The following LRMDA variants were observed in gnomAD, a reference collection of about 807,000 sequenced individuals.
LRMDA encodes leucine rich melanocyte differentiation associated.
LRMDA carries 18 observed loss-of-function variants against 29.8 expected under a neutral mutation model. The ratio of observed to expected loss-of-function variants is 0.60; its 90% CI spans 0.42 to 0.90. The LOEUF (loss-of-function observed/expected upper bound fraction) is 0.90. Among genes scored for constraint, LRMDA ranks in the 40% least tolerant of loss-of-function variants. The pLI is 0.00. For missense variants in LRMDA, 273 were observed against 273.9 expected, an observed-to-expected ratio of 1.00 and a Z score of 0.02; for synonymous variants, 125 against 109.4, an observed-to-expected ratio of 1.14 and a Z score of -0.89.
intron 6 of LRMDA, among the ~76,000 whole-genome samples, chr10:76,390,594 G>A (rs1841711908): frequency 6.6e-6 from 1 of 151,816 alleles, no homozygotes; most frequent in South Asian, 2.1e-4. Context: ...TAGCCATTCT[G>A]GCTGAAATAC....
intron 6 of LRMDA, among the ~76,000 whole-genome samples, chr10:76,507,423 G>T (rs567169378): frequency 6.6e-6 from 1 of 151,586 alleles, no homozygotes; most frequent in East Asian, 1.9e-4. Context: ...TATTGTTTTT[G>T]TTTTTTGCTA....
chr10:75,843,500 G>A (rs1197032136), intron 2 of LRMDA, among the ~76,000 whole-genome samples: 2 of 152,134 alleles, frequency 1.3e-5, no homozygotes, highest in African/African-American at 4.8e-5. Flanking sequence ...ACTTAGATGA[G>A]TTTCCTGTGT....
At chr10:76,476,478 G>A (rs1229806202) in intron 6 of LRMDA, among the ~76,000 whole-genome samples, 1 of 152,128 alleles carries the variant, frequency 6.6e-6, no homozygotes, top group Non-Finnish European at 1.5e-5. Flanking sequence ...GTTACAAGGA[G>A]GAGCTGGTAC....
At chr10:76,045,436 C>A (rs1391750811) in intron 3 of LRMDA, among the ~76,000 whole-genome samples, 1 of 151,068 alleles carries the variant, frequency 6.6e-6, no homozygotes, top group Non-Finnish European at 1.5e-5. Context: ...TAGTTTCCCC[C>A]TCTGGTTAGT....
chr10:76,345,220 C>G (rs1485350203), intron 6 of LRMDA, among the ~76,000 whole-genome samples: 1 of 149,124 alleles, frequency 6.7e-6, no homozygotes, highest in Non-Finnish European at 1.5e-5. Context: ...GCGCCCGCTA[C>G]CACGCCCGGC....
At chr10:76,157,348 A>C (rs1363922749) in intron 5 of LRMDA, among the ~76,000 whole-genome samples, 1 of 152,184 alleles carries the variant, frequency 6.6e-6, no homozygotes, top group Non-Finnish European at 1.5e-5. Flanking sequence ...GCAGTGGCTC[A>C]CACCTGCAAT....
intron 6 of LRMDA, among the ~76,000 whole-genome samples, chr10:76,491,371 T>A (rs1210130478): frequency 6.6e-6 from 1 of 152,158 alleles, no homozygotes; most frequent in Admixed American, 6.6e-5. Context: ...CTGGTGTTGA[T>A]GAAATCCCTC....
intron 2 of LRMDA, among the ~76,000 whole-genome samples, chr10:75,700,659 G>A (rs940322745): frequency 6.6e-6 from 1 of 152,216 alleles, no homozygotes; most frequent in African/African-American, 2.4e-5. Flanking sequence ...GGGTACATGA[G>A]CGAGCAAGTT....
chr10:76,199,070 A>G (rs576901391), intron 5 of LRMDA, among the ~76,000 whole-genome samples: 1 of 152,164 alleles, frequency 6.6e-6, no homozygotes, highest in Non-Finnish European at 1.5e-5. Context: ...TGACTAAGGT[A>G]TAGGGTATGG....
intron 2 of LRMDA, among the ~76,000 whole-genome samples, chr10:75,880,236 G>A (rs527560494): frequency 6.6e-6 from 1 of 152,254 alleles, no homozygotes; most frequent in South Asian, 2.1e-4. Context: ...TCTGAATGTA[G>A]AGTGCTTTAG....
At chr10:76,205,720 C>G (rs981674104) in intron 5 of LRMDA, among the ~76,000 whole-genome samples, 4 of 152,174 alleles carry the variant, frequency 2.6e-5, no homozygotes, top group Admixed American at 1.3e-4. Flanking sequence ...TCAGTATGCT[C>G]TAGATGGCAG....
At chr10:76,317,905 C>A (rs1202610409) in intron 5 of LRMDA, among the ~76,000 whole-genome samples, 1 of 152,148 alleles carries the variant, frequency 6.6e-6, no homozygotes, top group African/African-American at 2.4e-5. Flanking sequence ...TTATTAACTA[C>A]TACTTATTCC....
intron 2 of LRMDA, among the ~76,000 whole-genome samples, chr10:75,973,334 T>C (rs1847011891): frequency 6.6e-6 from 1 of 152,158 alleles, no homozygotes; most frequent in South Asian, 2.1e-4. Context: ...AGTTCTCATA[T>C]GCCATCATTG....
Position 76,461,281 on chromosome 10 carries a change from G to A in LRMDA, c.602-95928G>A, listed in dbSNP as rs375891440. Among the ~76,000 whole-genome samples, 10 of 152,244 alleles carry A rather than the reference G, an allele frequency of 6.6e-5. No homozygotes were observed. In the East Asian group the frequency reaches 1.2e-3, roughly 18 times the overall value. ...GTATGCCATCAAGAACCAAAGTCCT[G>A]TGTAACAGAAAATCTCCAGTGAGCC... On this transcript the variant is annotated intron_variant, in intron 6 of 6. Transcript: ENST00000611255.
At position 76,501,619 on chromosome 10, in the gene LRMDA, GTGA is replaced by G. The variant is rs1842910372; in HGVS notation, c.602-55583_602-55581del. ...TTCATTTGAATTTCTCTAATGATTA[GTGA>G]TGATGAGGATTTTTTCATGTTTGTT... On this transcript the variant is annotated intron_variant, in intron 6 of 6. Coordinates refer to ENST00000611255, the MANE Select transcript of LRMDA (RefSeq NM_001305581.2). Among the ~76,000 whole-genome samples the G allele has an allele frequency of 2.0e-5, 3 of 152,152 alleles. 1 individual carries two copies. In the Middle Eastern group the frequency reaches 0.01, roughly 518 times the overall value.
intron 5 of LRMDA, among the ~76,000 whole-genome samples, chr10:76,182,903 A>G (rs4746374): frequency 0.16 from 23,693 of 152,212 alleles, 2,594 homozygotes; most frequent in East Asian, 0.52. Context: ...AAGGGTAGTC[A>G]AAGTTGAAAT....
At chr10:75,533,405 T>C (rs1464468898) in intron 2 of LRMDA, among the ~76,000 whole-genome samples, 1 of 152,214 alleles carries the variant, frequency 6.6e-6, no homozygotes, top group Non-Finnish European at 1.5e-5. Context: ...AGGAAAAGGC[T>C]GACAAGGGAG....
At chr10:75,827,996 G>A (rs915103675) in intron 2 of LRMDA, among the ~76,000 whole-genome samples, 2 of 152,226 alleles carry the variant, frequency 1.3e-5, no homozygotes, top group Admixed American at 6.5e-5. Flanking sequence ...TTTGGGGAAC[G>A]CAGTAACTTT....
At chr10:76,314,909 C>T (rs1230381938) in intron 5 of LRMDA, among the ~76,000 whole-genome samples, 9 of 152,166 alleles carry the variant, frequency 5.9e-5, no homozygotes, top group Non-Finnish European at 5.9e-5. Flanking sequence ...TTACTTAGCA[C>T]GCCACAAAAC....
Sources: gnomAD v4.1 joint callset for allele counts (sites outside exome capture counted in the v4.1 genomes callset) on GRCh38, gnomAD v4.1.1 for gene constraint, MANE v1.5 for transcripts, NCBI Gene and HGNC (gene_info 2026-07-23, HGNC 2026-07-21) for gene names.